ANKS1B: variants seen among roughly 807,000 people sequenced by gnomAD.
ANKS1B encodes ankyrin repeat and sterile alpha motif domain containing 1B, also known as ankyrin repeat and sterile alpha motif domain-containing protein 1B.
A neutral mutation model predicts 148.3 loss-of-function variants in ANKS1B; 36 were observed. The ratio of observed to expected loss-of-function variants is 0.24; its 90% CI spans 0.19 to 0.32. The LOEUF (loss-of-function observed/expected upper bound fraction) is 0.32, where lower values mean the gene tolerates loss of function less well. Among genes scored for constraint, ANKS1B ranks in the 10% least tolerant of loss-of-function variants. ANKS1B has a pLI of 1.00. For synonymous variants in ANKS1B, 542 were observed against 560.8 expected (o/e 0.97, Z 0.47); for missense variants, 1,157 against 1,542.6 (o/e 0.75, Z 4.19).
intron 9 of ANKS1B, among the ~76,000 whole-genome samples, chr12:99,524,047 C>T (rs1356526612): frequency 2.0e-5 from 3 of 152,044 alleles, no homozygotes; most frequent in African/African-American, 7.2e-5. Context: ...GGGTTTATGG[C>T]TTTTTTAAAG....
intron 16 of ANKS1B, among the ~76,000 whole-genome samples, chr12:99,061,247 G>T (rs1011301508): frequency 1.3e-5 from 2 of 152,184 alleles, no homozygotes; most frequent in African/African-American, 2.4e-5. Context: ...CTAGCTAAAA[G>T]AAGTTCCTCG....
chr12:99,672,417 G>T (rs2098542255), intron 8 of ANKS1B, among the ~76,000 whole-genome samples: 1 of 151,996 alleles, frequency 6.6e-6, no homozygotes, highest in Non-Finnish European at 1.5e-5. Flanking sequence ...TGACCAAACA[G>T]AACTACTCCA....
chr12:98,801,123 T>C lies in ANKS1B; in HGVS notation c.3144A>G (p.Thr1048=), dbSNP rs948231758. The part of the protein sequence containing the change: ...PFSAIHQVHN[T]GDWGEPSITL... ...TAATGGAAGGTTCTCCCCAGTCTCC[T>C]GTCTGAAAATGACATTTATTCTAGA... Residue 1048 remains threonine (T), a splice_region_variant and synonymous_variant, in exon 21 of 27, where the codon ACA becomes ACG. Transcript: ENST00000683438. The surrounding 1 kb of genome is among the most constrained non-coding windows in gnomAD (Gnocchi z 5.2). The C allele has an allele frequency of 6.2e-7, 1 of 1,611,708 alleles. No homozygotes were observed. Among genetic ancestry groups the C allele is most frequent in the Non-Finnish European group, 8.5e-7 (1 of 1,178,852 alleles).
chr12:99,013,434 G>C (rs1209481781), intron 17 of ANKS1B, among the ~76,000 whole-genome samples: 6 of 151,712 alleles, frequency 4.0e-5, no homozygotes, highest in Non-Finnish European at 8.8e-5. Context: ...CATTTCCTAT[G>C]TCCTAAGAAC....
At chr12:98,792,843 G>A (rs897840845) in intron 22 of ANKS1B, among the ~76,000 whole-genome samples, 3 of 151,830 alleles carry the variant, frequency 2.0e-5, no homozygotes, top group Admixed American at 6.6e-5. Context: ...TTTTCTTTAC[G>A]CATTCATCTG....
At chr12:99,569,689 G>C (rs1374586886) in intron 9 of ANKS1B, among the ~76,000 whole-genome samples, 1 of 152,144 alleles carries the variant, frequency 6.6e-6, no homozygotes, top group Non-Finnish European at 1.5e-5. Flanking sequence ...TAGTTGAAGA[G>C]AGCCTTTTCA....
rs554627988 is a variant in ANKS1B, at chr12:98,768,540, T to C, written c.3579+4502A>G. Among the ~76,000 whole-genome samples, 367 of 150,636 alleles carry C rather than the reference T, an allele frequency of 2.4e-3. 5 individuals are homozygous for C. The highest frequency in any genetic ancestry group is 0.01 in the Middle Eastern group (3 of 290). On this transcript the variant is annotated intron_variant, in intron 25 of 26. Coordinates refer to ENST00000683438, the MANE Select transcript of ANKS1B (RefSeq NM_001352186.2). ...ACAAGGTCGGGAGATCGGGACCATC[T>C]TGGCTAACATGGTGAAACCCGGTCT...
intron 10 of ANKS1B, 46 bp downstream of exon 10, chr12:99,504,430 T>C (rs2153005787): frequency 2.5e-6 from 4 of 1,570,262 alleles, no homozygotes; most frequent in South Asian, 2.4e-5. Flanking sequence ...TTCATATGAA[T>C]AAGCAAGTAA....
At chr12:99,007,601 C>T (rs750189971) in intron 17 of ANKS1B, among the ~76,000 whole-genome samples, 12 of 152,142 alleles carry the variant, frequency 7.9e-5, no homozygotes, top group Admixed American at 1.3e-4. Flanking sequence ...AACTGCATAT[C>T]CAGTTCAAGA....
intron 17 of ANKS1B, among the ~76,000 whole-genome samples, chr12:99,030,536 C>T (rs1408691905): frequency 6.6e-6 from 1 of 151,710 alleles, no homozygotes; most frequent in Non-Finnish European, 1.5e-5. Context: ...TAAGCACATG[C>T]AGTACGGTAC....
intron 10 of ANKS1B, among the ~76,000 whole-genome samples, chr12:99,476,074 G>GAA (rs768137927): frequency 3.0e-4 from 46 of 152,184 alleles, no homozygotes; most frequent in Admixed American, 1.0e-3. Flanking sequence ...AAGAAAGAAA[G>GAA]AAAAAGATTG....
chr12:98,810,451 ATCT>A (rs935145357), intron 19 of ANKS1B, among the ~76,000 whole-genome samples: 48 of 152,268 alleles, frequency 3.2e-4, no homozygotes, highest in Admixed American at 3.1e-3. Context: ...TTCAGCATAA[ATCT>A]TCTACCTAAG....
At chr12:99,287,976 G>A (rs2079366748) in intron 12 of ANKS1B, among the ~76,000 whole-genome samples, 1 of 152,166 alleles carries the variant, frequency 6.6e-6, no homozygotes, top group Non-Finnish European at 1.5e-5. Context: ...GGTAAAGAGA[G>A]AGATCAGGGT....
intron 25 of ANKS1B, among the ~76,000 whole-genome samples, chr12:98,768,884 G>T (rs12369108): frequency 4.6e-5 from 7 of 151,512 alleles, no homozygotes; most frequent in Non-Finnish European, 1.0e-4. Context: ...GCTTCTGTAG[G>T]GGGGGCTCCA....
chr12:99,441,606 T>C (rs574633060), intron 11 of ANKS1B, among the ~76,000 whole-genome samples: 3 of 152,098 alleles, frequency 2.0e-5, no homozygotes, highest in South Asian at 4.1e-4. Flanking sequence ...GTTATTGTTC[T>C]ATTACATAAA....
chr12:99,002,712 A>G (rs1231896328), intron 17 of ANKS1B, among the ~76,000 whole-genome samples: 3 of 152,158 alleles, frequency 2.0e-5, no homozygotes, highest in African/African-American at 7.2e-5. Context: ...TTGAGTTTTA[A>G]GAGTTCCTTG....
intron 1 of ANKS1B, among the ~76,000 whole-genome samples, chr12:99,968,643 A>C (rs896003084): frequency 6.6e-6 from 1 of 152,234 alleles, no homozygotes; most frequent in African/African-American, 2.4e-5. Flanking sequence ...AATGAGGACA[A>C]ATAAATCCCA....
At chr12:99,541,313 C>A (rs2097124028) in intron 9 of ANKS1B, among the ~76,000 whole-genome samples, 1 of 151,970 alleles carries the variant, frequency 6.6e-6, no homozygotes, top group African/African-American at 2.4e-5. Flanking sequence ...ATATCAAAAC[C>A]ATATAAACAC....
rs570315137 is a variant in ANKS1B at position 99,444,750 on chromosome 12, T to G, written c.1439-941A>C. Among the ~76,000 whole-genome samples the G allele has an allele frequency of 2.8e-4, 42 of 152,158 alleles. 1 individual carries two copies. In the South Asian group the frequency reaches 7.7e-3, roughly 28 times the overall value. On this transcript the variant is annotated intron_variant, in intron 10 of 26. Transcript: ENST00000683438. ...TAAAAAGTTTACTTCTCTGTTGTTT[T>G]TAATTAGTTCCCAATAATTTTCTTT...
Sources: allele counts gnomAD v4.1 joint callset (sites outside exome capture counted in the v4.1 genomes callset), GRCh38; gene constraint gnomAD v4.1.1; non-coding constraint Gnocchi (gnomAD v3.1); transcripts MANE v1.5; gene names NCBI Gene and HGNC (gene_info 2026-07-23, HGNC 2026-07-21).